RBPJ: variants seen among roughly 807,000 people sequenced by gnomAD.
RBPJ encodes recombination signal binding protein for immunoglobulin kappa J region, also known as recombining binding protein suppressor of hairless.
In RBPJ, 9 loss-of-function variants were observed where a neutral mutation model predicts 67.8. The observed-to-expected ratio is 0.13, with a 90% CI of 0.08 to 0.23. The LOEUF (loss-of-function observed/expected upper bound fraction) is 0.23. Ranked by LOEUF, RBPJ falls within the 10% of genes least tolerant of loss-of-function variation. The pLI, the probability that RBPJ is intolerant of heterozygous loss-of-function variation, is 1.00. For missense variants in RBPJ, 305 were observed against 595.6 expected (o/e 0.51, Z 5.08); for synonymous variants, 198 against 203.3 (o/e 0.97, Z 0.22).
At chr4:26,370,433 A>G (rs759261493) in intron 1 of RBPJ, among the ~76,000 whole-genome samples, 2 of 152,200 alleles carry the variant, frequency 1.3e-5, no homozygotes, top group Admixed American at 6.5e-5. Context: ...TATTGTTACT[A>G]TAGTAAAGAA....
chr4:26,259,385 A>G (rs545596615), intron 1 of RBPJ, among the ~76,000 whole-genome samples: 17 of 152,308 alleles, frequency 1.1e-4, no homozygotes, highest in Middle Eastern at 3.4e-3. Context: ...AAATGGCTTG[A>G]GTATCCCAAA....
chr4:26,319,390 C>G (rs919100702), upstream of RBPJ, among the ~76,000 whole-genome samples: 9 of 152,090 alleles, frequency 5.9e-5, no homozygotes, highest in Admixed American at 5.9e-4. Flanking sequence ...AGACGCGGGT[C>G]TCCTCCCCCG....
intron 4 of RBPJ, among the ~76,000 whole-genome samples, chr4:26,419,524 C>CTT (rs1734917411): frequency 6.6e-6 from 1 of 152,198 alleles, no homozygotes; most frequent in African/African-American, 2.4e-5. Flanking sequence ...AAGTCATTAA[C>CTT]TGTTTCCTGA....
chr4:26,296,708 A>T (rs1424290031), intron 1 of RBPJ, among the ~76,000 whole-genome samples: 1 of 152,194 alleles, frequency 6.6e-6, no homozygotes, highest in Non-Finnish European at 1.5e-5. Context: ...TTGGTTACCT[A>T]CCACACCCTC....
upstream of RBPJ, among the ~76,000 whole-genome samples, chr4:26,318,092 GTATA>G (rs1722717634): frequency 6.6e-6 from 1 of 151,740 alleles, no homozygotes; most frequent in South Asian, 2.1e-4. Flanking sequence ...GTTTTTTTGT[GTATA>G]TAATCAATAG....
intron 1 of RBPJ, among the ~76,000 whole-genome samples, chr4:26,211,175 A>G (rs1718409813): frequency 6.6e-6 from 1 of 152,158 alleles, no homozygotes; most frequent in Non-Finnish European, 1.5e-5. Context: ...AGAAAGTACC[A>G]TATGCACGTG....
chr4:26,377,834 C>T (rs763571994), intron 1 of RBPJ, among the ~76,000 whole-genome samples: 1 of 152,138 alleles, frequency 6.6e-6, no homozygotes, highest in Non-Finnish European at 1.5e-5. Context: ...GCAATTTTAT[C>T]TTGTGTCTTG....
intron 1 of RBPJ, among the ~76,000 whole-genome samples, chr4:26,330,212 A>G (rs1041614599): frequency 3.9e-5 from 6 of 152,342 alleles, no homozygotes; most frequent in East Asian, 1.9e-4. Context: ...TTGTTCTGCA[A>G]TTATATAAAT....
chr4:26,403,085 A>G (rs937940386), intron 2 of RBPJ, among the ~76,000 whole-genome samples: 1 of 152,192 alleles, frequency 6.6e-6, no homozygotes, highest in African/African-American at 2.4e-5. Flanking sequence ...AAAAAGTAAA[A>G]TTAATTACGT....
chr4:26,127,766 A>G, the RBPJ span, among the ~76,000 whole-genome samples: 12 of 152,218 alleles, frequency 7.9e-5, no homozygotes, highest in Non-Finnish European at 1.0e-4. Context: ...AGACACTCCA[A>G]GTAGAGGGAA....
intron 3 of RBPJ, among the ~76,000 whole-genome samples, chr4:26,411,606 G>A (rs1405996534): frequency 6.6e-6 from 1 of 150,604 alleles, no homozygotes; most frequent in Non-Finnish European, 1.5e-5. Flanking sequence ...TCAGACTATT[G>A]AAAAGTCTTC....
intron 1 of RBPJ, among the ~76,000 whole-genome samples, chr4:26,170,774 A>G (rs1047168843): frequency 1.3e-5 from 2 of 152,242 alleles, no homozygotes; most frequent in Admixed American, 6.5e-5. Context: ...TATTTAAGCA[A>G]TAGGCAGCAC....
chr4:26,301,209 C>T (rs1201202795), intron 1 of RBPJ, among the ~76,000 whole-genome samples: 1 of 152,138 alleles, frequency 6.6e-6, no homozygotes, highest in East Asian at 1.9e-4. Context: ...CCAAGGATTC[C>T]CAGTTGTTAT....
chr4:26,405,067 A>T (rs767303271), intron 2 of RBPJ, among the ~76,000 whole-genome samples: 3 of 152,168 alleles, frequency 2.0e-5, no homozygotes, highest in Non-Finnish European at 4.4e-5. Flanking sequence ...CCTTGGAGCT[A>T]ACAGGTTTTT....
chr4:26,431,184 T>TAAAAAAAAAAAAAAAAAAAAAAAAA lies in RBPJ; in HGVS notation c.*180_*204dup. The TAAAAAAAAAAAAAAAAAAAAAAAAA allele has an allele frequency of 2.5e-5, 1 of 40,658 alleles. No individual in the cohort carries two copies. Among genetic ancestry groups the TAAAAAAAAAAAAAAAAAAAAAAAAA allele is most frequent in the South Asian group, 9.9e-4 (1 of 1,010 alleles). The allele number at this position is 40,658 out of a possible 1,614,324, so 2.5% of individuals were successfully genotyped here. ...CTGATTTGAAATGCAGAAGCCACAG[T>TAAAAAAAAAAAAAAAAAAAAAAAAA]AAAAAAAAAAAAAAAAAAAAAAAAA... On this transcript the variant is annotated 3_prime_UTR_variant, in exon 11 of 11. Transcript: ENST00000355476.
At chr4:26,313,506 A>C (rs1417988985) in intron 1 of RBPJ, among the ~76,000 whole-genome samples, 1 of 151,986 alleles carries the variant, frequency 6.6e-6, no homozygotes, top group Non-Finnish European at 1.5e-5. Context: ...TCTCTACCAA[A>C]AAAAATAGAA....
the RBPJ span, among the ~76,000 whole-genome samples, chr4:26,145,217 G>A: frequency 2.0e-5 from 3 of 152,126 alleles, no homozygotes; most frequent in Middle Eastern, 6.8e-3. Flanking sequence ...CTATGCCTTC[G>A]GTGTCTTTAT....
intron 2 of RBPJ, among the ~76,000 whole-genome samples, chr4:26,401,709 A>T (rs1732826668): frequency 6.6e-6 from 1 of 152,198 alleles, no homozygotes; most frequent in Non-Finnish European, 1.5e-5. Flanking sequence ...TTACTGCTAA[A>T]TGATGTAATA....
At chr4:26,262,865 C>T (rs1237593885) in intron 1 of RBPJ, among the ~76,000 whole-genome samples, 3 of 152,184 alleles carry the variant, frequency 2.0e-5, no homozygotes, top group African/African-American at 2.4e-5. Flanking sequence ...CCAGTATGCT[C>T]TTCTTCCAGC....
Sources: allele counts gnomAD v4.1 joint callset (sites outside exome capture counted in the v4.1 genomes callset), GRCh38; gene constraint gnomAD v4.1.1; transcripts MANE v1.5; gene names NCBI Gene and HGNC (gene_info 2026-07-23, HGNC 2026-07-21).